The following COL4A6 variants were observed in gnomAD, a reference collection of about 807,000 sequenced individuals.
COL4A6 encodes collagen type IV alpha 6 chain.
In COL4A6, 59 loss-of-function variants were observed where a neutral mutation model predicts 126.7. That is an observed-to-expected ratio of 0.47 (90% CI 0.38 to 0.58). COL4A6 has a LOEUF of 0.58. Ranked by LOEUF, COL4A6 falls within the 20% of genes least tolerant of loss-of-function variation. COL4A6 has a pLI of 0.00. For missense variants in COL4A6, 1,285 were observed against 1,337.3 expected (o/e 0.96, Z 0.61); for synonymous variants, 547 against 496.6 (o/e 1.10, Z -1.35).
At chrX:108,183,797 A>G in intron 23 of COL4A6, 2 of 902,132 alleles carry the variant, frequency 2.2e-6, no homozygotes, top group Non-Finnish European at 2.8e-6. Context: ...TGAAGAAGAA[A>G]ATTAAACTAG....
At position 108,192,229 on chromosome X, in the gene COL4A6, T is replaced by A. The variant is rs761715218; in HGVS notation, c.1180+244A>T. On this transcript the variant is annotated intron_variant, in intron 18 of 44. Transcript: ENST00000334504. ...TTGTTGCTGCAAACCTCAGTGACAG[T>A]CTAGGATTGCCTGTCCAGCTATGAT... 1.2e-4 allele frequency among the ~76,000 whole-genome samples: 13 copies of A among 111,894 alleles called. No homozygotes were observed. In the South Asian group the frequency reaches 4.9e-3, roughly 42 times the overall value.
rs766018034 is a variant in COL4A6 at position 108,191,335 on chromosome X, T to C, written c.1321+58A>G. The C allele has an allele frequency of 8.3e-5, 96 of 1,161,124 alleles. No homozygotes were observed. In the Admixed American group the frequency reaches 2.2e-3, roughly 26 times the overall value. The stretch of plus-strand genomic sequence containing the variant: ...GATGCCCCCTCAAAAATCATGACTG[T>C]TCTGCAGTCTGGATCACATCTGAAT... On this transcript the variant is annotated intron_variant, in intron 19 of 44. Transcript: ENST00000334504.
At chrX:108,396,601 G>A (rs948147856) in intron 2 of COL4A6, among the ~76,000 whole-genome samples, 4 of 111,509 alleles carry the variant, frequency 3.6e-5, no homozygotes, top group Non-Finnish European at 7.5e-5. Flanking sequence ...GAACAGAAAG[G>A]TATGATGCAG....
chrX:108,324,276 C>T (rs769391986), intron 2 of COL4A6, among the ~76,000 whole-genome samples: 18 of 111,760 alleles, frequency 1.6e-4, no homozygotes, highest in Non-Finnish European at 2.6e-4. Flanking sequence ...TAAAAATGCC[C>T]AGTTGAAACA....
chrX:108,223,547 G>T (rs916421204), intron 3 of COL4A6, among the ~76,000 whole-genome samples: 6 of 111,022 alleles, frequency 5.4e-5, no homozygotes, highest in African/African-American at 1.6e-4. Flanking sequence ...ATGGCTGGGG[G>T]AAGTCATGGG....
In COL4A6 at chrX:108,339,004, A is replaced by G. The variant is rs761369926; in HGVS notation, c.64-28176T>C. Reference sequence around the variant, plus strand: ...TGTCTCTGATTTTTCACTCATACCCAACTTCCCCTGTGGCCACACACCTGC... The same window carrying G: ...TGTCTCTGATTTTTCACTCATACCCGACTTCCCCTGTGGCCACACACCTGC... On this transcript the variant is annotated intron_variant, in intron 2 of 44. Coordinates refer to ENST00000334504, the MANE Select transcript of COL4A6 (RefSeq NM_033641.4). 8.6e-4 allele frequency among the ~76,000 whole-genome samples: 96 copies of G among 111,548 alleles called. 1 individual carries two copies. The highest frequency in any genetic ancestry group is 2.9e-3 in the African/African-American group (90 of 30,734).
intron 3 of COL4A6, among the ~76,000 whole-genome samples, chrX:108,248,174 C>T (rs1205952978): frequency 4.5e-5 from 5 of 111,149 alleles, no homozygotes; most frequent in Non-Finnish European, 9.4e-5. Context: ...TTACATCATC[C>T]TGTATGATTT....
intron 3 of COL4A6, among the ~76,000 whole-genome samples, chrX:108,308,175 C>T (rs1209045682): frequency 1.8e-5 from 2 of 111,744 alleles, no homozygotes; most frequent in Non-Finnish European, 1.9e-5. Context: ...GACTAAGGCT[C>T]CAGATGTTTG....
intron 3 of COL4A6, among the ~76,000 whole-genome samples, chrX:108,241,571 A>G (rs1185118286): frequency 9.6e-6 from 1 of 104,564 alleles, no homozygotes; most frequent in African/African-American, 3.4e-5. Flanking sequence ...ATATATATAT[A>G]TAGCCCTGAA....
chrX:108,253,016 A>G (rs1427208711), intron 3 of COL4A6, among the ~76,000 whole-genome samples: 1 of 111,852 alleles, frequency 8.9e-6, no homozygotes, highest in Non-Finnish European at 1.9e-5. Flanking sequence ...AAGGCCATAT[A>G]TGACAAACCC....
chrX:108,337,728 AGATAAT>A (rs2039465600), intron 2 of COL4A6, among the ~76,000 whole-genome samples: 1 of 112,537 alleles, frequency 8.9e-6, no homozygotes, highest in African/African-American at 3.2e-5. Context: ...ATATTCAATG[AGATAAT>A]GCAAGCATTA....
At chrX:108,200,574 A>C (rs2035360727) in intron 13 of COL4A6, among the ~76,000 whole-genome samples, 1 of 112,074 alleles carries the variant, frequency 8.9e-6, no homozygotes, top group Non-Finnish European at 1.9e-5. Context: ...ATTAAAATGA[A>C]TAATACCAGT....
chrX:108,349,024 T>C (rs1440167196), intron 2 of COL4A6, among the ~76,000 whole-genome samples: 1 of 111,279 alleles, frequency 9.0e-6, no homozygotes, highest in Non-Finnish European at 1.9e-5. Context: ...CATGGATAAG[T>C]TGAAATCAGC....
At chrX:108,389,201 G>A (rs188725506) in intron 2 of COL4A6, among the ~76,000 whole-genome samples, 176 of 111,913 alleles carry the variant, frequency 1.6e-3, no homozygotes, top group African/African-American at 5.4e-3. Context: ...TGTTGATTTG[G>A]GGTGGAGAGT....
chrX:108,190,318 T>G, intron 20 of COL4A6, 74 bp downstream of exon 20: 1 of 687,489 alleles, frequency 1.5e-6, no homozygotes, highest in Non-Finnish European at 2.3e-6. Flanking sequence ...CCCGAGGCTG[T>G]TGGTTTTCTC....
intron 3 of COL4A6, among the ~76,000 whole-genome samples, chrX:108,282,184 G>T (rs935480812): frequency 2.0e-5 from 2 of 101,813 alleles, no homozygotes; most frequent in African/African-American, 3.5e-5. Flanking sequence ...CACAGCAAAA[G>T]AAAATACCAT....
At chrX:108,334,577 G>A (rs2039386103) in intron 2 of COL4A6, among the ~76,000 whole-genome samples, 1 of 111,506 alleles carries the variant, frequency 9.0e-6, no homozygotes, top group African/African-American at 3.3e-5. Context: ...GGCATTCCTG[G>A]AACTGGATTC....
At chrX:108,237,952 G>A (rs2036475484) in intron 3 of COL4A6, among the ~76,000 whole-genome samples, 1 of 104,397 alleles carries the variant, frequency 9.6e-6, no homozygotes, top group Admixed American at 1.0e-4. Flanking sequence ...CATCAATCTC[G>A]ATGTGTCTCT....
intron 2 of COL4A6, among the ~76,000 whole-genome samples, chrX:108,420,526 G>A (rs1351473406): frequency 8.9e-6 from 1 of 112,210 alleles, no homozygotes; most frequent in Non-Finnish European, 1.9e-5. Context: ...CAGAGGCAAA[G>A]ATAGCTTGGC....
Sources: allele counts gnomAD v4.1 joint callset (sites outside exome capture counted in the v4.1 genomes callset), GRCh38; gene constraint gnomAD v4.1.1; transcripts MANE v1.5; gene names NCBI Gene and HGNC (gene_info 2026-07-23, HGNC 2026-07-21).